Variants in AKAP11 observed in about 807,000 individuals in gnomAD.
AKAP11 encodes the protein A-kinase anchoring protein 11, also known as A-kinase anchor protein 11.
In AKAP11, 36 loss-of-function variants were observed where a neutral mutation model predicts 146.1. The ratio of observed to expected loss-of-function variants is 0.25; its 90% confidence interval spans 0.19 to 0.33. The LOEUF (loss-of-function observed/expected upper bound fraction) is 0.33, where lower values mean the gene tolerates loss of function less well. AKAP11 is among the 10% of genes least tolerant of loss of function. The probability of loss-of-function intolerance (pLI) is 1.00; values close to 1 mark genes in which losing one functional copy is unlikely to be tolerated. For missense variants in AKAP11, 2,201 were observed against 2,197.0 expected (o/e 1.00, Z -0.04); for synonymous variants, 780 against 786.5 (o/e 0.99, Z 0.14).
In AKAP11 at chr13:42,302,972, T is replaced by G. The variant is rs1345833989; in HGVS notation, c.4226T>G (p.Leu1409Arg). The G allele has an allele frequency of 6.2e-7, 1 of 1,613,568 alleles. No homozygotes were observed. Among genetic ancestry groups the G allele is most frequent in the South Asian group, 1.1e-5 (1 of 91,048 alleles). The change falls in exon 8 of 13, where the codon CTG becomes CGG. Residue 1409 changes from leucine to arginine, a missense_variant. Around this residue, in one of 3 missense-constraint regions of AKAP11, gnomAD observed 1,867 missense variants for 1,833.5 expected, o/e 1.02. Transcript: ENST00000025301. ...TCACAAGTGAAAACAAACAAGGAACTGTTAATGTTTTCAAACAAAGAGCAC... is the reference window on the plus strand; with the variant it reads ...TCACAAGTGAAAACAAACAAGGAACGGTTAATGTTTTCAAACAAAGAGCAC... ...PSSQVKTNKE[L>R]LMFSNKEHHQ...
rs238314 is a variant in AKAP11 at position 42,308,626 on chromosome 13, A to G, written c.5273+17A>G. ...AAGTGAAAGGTAACTACACTTTTGC[A>G]TATAATTGTGTAGTTTAGGTCCTCA... is the stretch of plus-strand genomic sequence containing the variant. On this transcript the variant is annotated intron_variant, in intron 9 of 12. Transcript: ENST00000025301. 0.88 allele frequency: 1,414,031 copies of G among 1,601,602 alleles called. 624,961 individuals carry two copies. Among genetic ancestry groups the G allele is most frequent in the Admixed American group, 0.93 (55,300 of 59,386 alleles).
chr13:42,290,226 G>A (rs1013822683), intron 3 of AKAP11, among the ~76,000 whole-genome samples: 3 of 152,130 alleles, frequency 2.0e-5, no homozygotes, highest in African/African-American at 7.2e-5. Flanking sequence ...TAGGCCAGTT[G>A]TGTTGTAGAA....
chr13:42,286,135 T>TA, intron 2 of AKAP11, 100 bp downstream of exon 2: 1 of 352,398 alleles, frequency 2.8e-6, no homozygotes, highest in East Asian at 4.6e-5. Context: ...ATTTTTCAAA[T>TA]ATTCTTGCTG....
At chr13:42,293,710 G>A (rs1269498948) in intron 4 of AKAP11, among the ~76,000 whole-genome samples, 4 of 152,090 alleles carry the variant, frequency 2.6e-5, no homozygotes, top group Non-Finnish European at 4.4e-5. Flanking sequence ...ACATTCCTTG[G>A]TGAGGCCTTT....
chr13:42,277,878 A>G (rs1958965235), intron 1 of AKAP11, among the ~76,000 whole-genome samples: 1 of 152,258 alleles, frequency 6.6e-6, no homozygotes, highest in Non-Finnish European at 1.5e-5. Flanking sequence ...GAACGTTGGT[A>G]GTACTTACAG....
At chr13:42,276,880 C>T (rs2048039536) in intron 1 of AKAP11, among the ~76,000 whole-genome samples, 1 of 152,172 alleles carries the variant, frequency 6.6e-6, no homozygotes, top group South Asian at 2.1e-4. Flanking sequence ...CTCTTAGAGT[C>T]ATGGCGTCAT....
intron 6 of AKAP11, 82 bp downstream of exon 6, chr13:42,297,264 C>A: frequency 9.3e-7 from 1 of 1,073,722 alleles, no homozygotes; most frequent in Non-Finnish European, 1.3e-6. Flanking sequence ...CTTTTAAATG[C>A]TTGGATGACA....
intron 11 of AKAP11, among the ~76,000 whole-genome samples, chr13:42,315,868 A>C (rs1472932686): frequency 6.6e-6 from 1 of 152,224 alleles, no homozygotes; most frequent in Non-Finnish European, 1.5e-5. Flanking sequence ...TTTTAAAAAA[A>C]TAATTTTGTA....
chr13:42,278,303 A>G (rs1293968435), intron 1 of AKAP11, among the ~76,000 whole-genome samples: 1 of 152,250 alleles, frequency 6.6e-6, no homozygotes, highest in African/African-American at 2.4e-5. Flanking sequence ...GTTGTTTTGA[A>G]AAACAAAATA....
At position 42,300,937 on chromosome 13, in the gene AKAP11, G is replaced by A. The variant is rs1417787578; in HGVS notation, c.2191G>A (p.Glu731Lys). 3 of 1,614,162 alleles carry A rather than the reference G, an allele frequency of 1.9e-6. No homozygotes were observed. The highest frequency in any genetic ancestry group is 2.5e-6 in the Non-Finnish European group (3 of 1,179,982). Residue 731 changes from glutamate to lysine, a missense_variant, in exon 8 of 13, where the codon GAA becomes AAA. Coordinates refer to ENST00000025301, the MANE Select transcript of AKAP11 (RefSeq NM_016248.4). ...GGATAATATCAAGTATGTGAGTGCA[G>A]AAAGTGTAGTGCCATCGACACAGGC... ...STDNIKYVSA[E>K]SVVPSTQAVT...
chr13:42,289,314 C>T (rs1171344876), intron 3 of AKAP11, among the ~76,000 whole-genome samples: 1 of 152,156 alleles, frequency 6.6e-6, no homozygotes, highest in Non-Finnish European at 1.5e-5. Context: ...CCTTTAATTA[C>T]CAGTTTTCAG....
chr13:42,308,323 C>T, intron 8 of AKAP11, 131 bp from the exon 9 acceptor site: 2 of 699,814 alleles, frequency 2.9e-6, no homozygotes, highest in South Asian at 4.5e-5. Flanking sequence ...TAAAGGATTA[C>T]ATGAGCCACT....
chr13:42,282,451 A>G (rs1959082842), intron 1 of AKAP11, among the ~76,000 whole-genome samples: 1 of 152,060 alleles, frequency 6.6e-6, no homozygotes, highest in African/African-American at 2.4e-5. Flanking sequence ...ATTTCAGTGA[A>G]TAGTCTTTCA....
intron 1 of AKAP11, among the ~76,000 whole-genome samples, chr13:42,273,959 G>C (rs1024956948): frequency 1.3e-5 from 2 of 152,194 alleles, no homozygotes; most frequent in African/African-American, 4.8e-5. Flanking sequence ...ATATCTCTTT[G>C]TGAATGGGCA....
At position 42,298,520 on chromosome 13, in the gene AKAP11, T is replaced by C; in HGVS notation, c.352-13T>C. The C allele has an allele frequency of 6.2e-7, 1 of 1,605,306 alleles. No individual in the cohort carries two copies. On this transcript the variant is annotated splice_polypyrimidine_tract_variant and intron_variant, in intron 6 of 12. Transcript: ENST00000025301. ...AATTAAAATTGTTTTTATTATCTTT[T>C]ATCTTTCCCAAGAGTCATCCTTCTG...
At chr13:42,286,247 T>C (rs1013213596) in intron 2 of AKAP11, 53 bp from the exon 3 acceptor site, 40 of 667,168 alleles carry the variant, frequency 6.0e-5, no homozygotes, top group Non-Finnish European at 2.4e-5. Context: ...CACAAAATGC[T>C]TGCCTGAATT....
intron 3 of AKAP11, among the ~76,000 whole-genome samples, chr13:42,292,015 C>A (rs565040651): frequency 4.6e-5 from 7 of 152,198 alleles, no homozygotes; most frequent in Non-Finnish European, 1.5e-5. Flanking sequence ...GCTCCCACAT[C>A]ATCTCATTCA....
Position 42,292,402 on chromosome 13 carries a change from G to T in AKAP11, c.69G>T (p.Val23=). The T allele has an allele frequency of 6.3e-7, 1 of 1,578,362 alleles. No homozygotes were observed. The highest frequency in any genetic ancestry group is 8.7e-7 in the Non-Finnish European group (1 of 1,155,018). Residue 23 remains valine (V), a synonymous_variant, in exon 4 of 13, where the codon GTG becomes GTT. Coordinates refer to ENST00000025301, the MANE Select transcript of AKAP11 (RefSeq NM_016248.4). ...ASVRKSFSED[V]FQSVKSLLQS... ...CCCTGCAGAGCTTCAGTGAAGATGT[G>T]TTCCAGTCTGTAAAGTCTTTATTGC... is the stretch of plus-strand genomic sequence containing the variant.
chr13:42,289,140 C>T (rs181304658), intron 3 of AKAP11, among the ~76,000 whole-genome samples: 1 of 152,258 alleles, frequency 6.6e-6, no homozygotes, highest in Admixed American at 6.5e-5. Flanking sequence ...TTTGGCATCC[C>T]TTGCTTACTC....
Sources: allele counts gnomAD v4.1 joint callset (sites outside exome capture counted in the v4.1 genomes callset), GRCh38; gene constraint gnomAD v4.1.1; regional missense constraint gnomAD v4.1.1; transcripts MANE v1.5; gene names NCBI Gene and HGNC (gene_info 2026-07-23, HGNC 2026-07-21).